Variants in ZDHHC21 observed in about 807,000 individuals in gnomAD.
ZDHHC21 encodes the protein zDHHC palmitoyltransferase 21.
In ZDHHC21, 15 loss-of-function variants were observed where a neutral mutation model predicts 34.6. The ratio of observed to expected loss-of-function variants is 0.43; its 90% CI spans 0.29 to 0.67. The LOEUF is 0.67. Among genes scored for constraint, ZDHHC21 ranks in the 30% least tolerant of loss-of-function variants. The pLI is 0.14. For synonymous variants in ZDHHC21, 142 were observed against 101.8 expected, an observed-to-expected ratio of 1.40 and a Z score of -2.38; for missense variants, 344 against 327.7, an observed-to-expected ratio of 1.05 and a Z score of -0.38.
At chr9:14,595,478 T>C in the ZDHHC21 span, among the ~76,000 whole-genome samples, 1 of 152,166 alleles carries the variant, frequency 6.6e-6, no homozygotes, top group Admixed American at 6.5e-5. Flanking sequence ...AAAAGCATAT[T>C]AGTGGTTGCC....
chr9:14,662,336 AG>A lies in ZDHHC21; in HGVS notation c.254-11del. 1 of 1,593,786 alleles carries A rather than the reference AG, an allele frequency of 6.3e-7. No homozygotes were observed. Among genetic ancestry groups the A allele is most frequent in the African/African-American group, 1.4e-5 (1 of 74,072 alleles). On this transcript the variant is annotated splice_polypyrimidine_tract_variant and intron_variant, in intron 5 of 9. Coordinates refer to ENST00000380916, the MANE Select transcript of ZDHHC21 (RefSeq NM_178566.6). ...TCCCAGAACTCCCTTTCTAAAGAAA[AG>A]AAATTAAAATCCATTTAATGAAGGC...
chr9:14,632,374 G>A (rs749090104), intron 8 of ZDHHC21, among the ~76,000 whole-genome samples: 1 of 151,976 alleles, frequency 6.6e-6, no homozygotes, highest in Non-Finnish European at 1.5e-5. Flanking sequence ...AAGAAATGGT[G>A]CTGGGACAAC....
chr9:14,660,371 T>C (rs1326708091), intron 6 of ZDHHC21, among the ~76,000 whole-genome samples: 13 of 2,998 alleles, frequency 4.3e-3, no homozygotes, highest in Non-Finnish European at 6.9e-4. Flanking sequence ...AGACTCCATC[T>C]CAAAAAAAAA....
In ZDHHC21 at chr9:14,611,282, C is replaced by G. The variant is rs571349441; in HGVS notation, c.*7684G>C. The stretch of plus-strand genomic sequence containing the variant: ...CATGGTTTGATTTTCACATTAAGAA[C>G]CAGTGTAGACTTTTCATCTAAACAA... On this transcript the variant is annotated 3_prime_UTR_variant, in exon 10 of 10. Transcript: ENST00000380916. 4.8e-4 allele frequency: 73 copies of G among 152,038 alleles called. No individual in the cohort carries two copies. Among genetic ancestry groups the G allele is most frequent in the African/African-American group, 1.7e-3 (69 of 41,532 alleles). 9.4% of individuals were successfully genotyped at this position (152,038 alleles called of 1,614,324 possible). A position where few individuals can be genotyped will look rare whatever the true frequency, so the allele number is the denominator to read the frequency against.
intron 1 of ZDHHC21, among the ~76,000 whole-genome samples, chr9:14,691,900 G>C (rs548228912): frequency 1.3e-5 from 2 of 152,286 alleles, no homozygotes; most frequent in South Asian, 2.1e-4. Context: ...TTCCAAGTAA[G>C]CATGGAAAAG....
At chr9:14,665,822 C>T (rs560536037) in intron 5 of ZDHHC21, among the ~76,000 whole-genome samples, 1 of 148,236 alleles carries the variant, frequency 6.7e-6, no homozygotes, top group East Asian at 2.0e-4. Flanking sequence ...ACCACCAGGC[C>T]TGCCCTAAAA....
At chr9:14,686,329 C>T (rs975700136) in intron 2 of ZDHHC21, among the ~76,000 whole-genome samples, 1 of 152,050 alleles carries the variant, frequency 6.6e-6, no homozygotes. Flanking sequence ...AAAGGGCAGA[C>T]TAGGATGGCT....
chr9:14,674,284 C>G lies in ZDHHC21; in HGVS notation c.57G>C (p.Leu19Phe). 1 of 1,597,832 alleles carries G rather than the reference C, an allele frequency of 6.3e-7. No homozygotes were observed. Among genetic ancestry groups the G allele is most frequent in the Non-Finnish European group, 8.5e-7 (1 of 1,173,936 alleles). The change falls in exon 4 of 10, where the codon TTG (leucine) becomes TTC (phenylalanine). Residue 19 changes from leucine (L) to phenylalanine (F), a missense_variant. Transcript: ENST00000380916. ...TATTGTATAACCAAACAAAGACAATCAAACCCATGCAGCACCAACCATGTG... is the reference window on the plus strand; with the variant it reads ...TATTGTATAACCAAACAAAGACAATGAAACCCATGCAGCACCAACCATGTG... ...VDPHGWCCMG[L>F]IVFVWLYNIV...
chr9:14,677,555 T>C (rs1347746004), intron 3 of ZDHHC21: 1 of 152,058 alleles, frequency 6.6e-6, no homozygotes, highest in Non-Finnish European at 1.5e-5. Flanking sequence ...AATACTTTCA[T>C]TAGCTGGAGA....
At chr9:14,655,536 C>T (rs538028240) in intron 7 of ZDHHC21, among the ~76,000 whole-genome samples, 78 of 151,936 alleles carry the variant, frequency 5.1e-4, no homozygotes, top group African/African-American at 1.9e-3. Context: ...CTACCTTCTA[C>T]CCCAAAATAT....
intron 7 of ZDHHC21, among the ~76,000 whole-genome samples, chr9:14,658,376 T>C (rs1832674600): frequency 6.6e-6 from 1 of 151,352 alleles, no homozygotes; most frequent in African/African-American, 2.5e-5. Context: ...TCTTTTGTTG[T>C]TTTGTTTCCA....
At chr9:14,603,556 C>T in the ZDHHC21 span, among the ~76,000 whole-genome samples, 5 of 152,160 alleles carry the variant, frequency 3.3e-5, no homozygotes, top group African/African-American at 1.2e-4. Flanking sequence ...ACAACCGTAA[C>T]ATGAAAGATT....
At chr9:14,619,722 T>C in intron 8 of ZDHHC21, 40 bp from the exon 9 acceptor site, 2 of 1,150,718 alleles carry the variant, frequency 1.7e-6, no homozygotes, top group Non-Finnish European at 2.4e-6. Context: ...GTAAGAAAGT[T>C]ATTAAGTCTT....
intron 7 of ZDHHC21, among the ~76,000 whole-genome samples, chr9:14,653,551 G>A (rs1831633235): frequency 6.6e-6 from 1 of 151,826 alleles, no homozygotes; most frequent in African/African-American, 2.4e-5. Flanking sequence ...CAGCCTCAAG[G>A]GTTTTGTTGT....
chr9:14,658,892 A>C lies in ZDHHC21; in HGVS notation c.366-5T>G, dbSNP rs751482461. ...TCACCAACACAATTGTTAATCCTAA[A>C]GAAAAAAAATGAAAAAGAAACAATA... On this transcript the variant is annotated splice_region_variant and splice_polypyrimidine_tract_variant and intron_variant, in intron 6 of 9. Coordinates refer to ENST00000380916, the MANE Select transcript of ZDHHC21 (RefSeq NM_178566.6). 6.3e-7 allele frequency: 1 copy of C among 1,597,788 alleles called. No individual in the cohort carries two copies. The highest frequency in any genetic ancestry group is 8.5e-7 in the Non-Finnish European group (1 of 1,175,508).
the ZDHHC21 span, among the ~76,000 whole-genome samples, chr9:14,602,613 A>T: frequency 2.6e-5 from 4 of 152,178 alleles, no homozygotes; most frequent in Admixed American, 2.6e-4. Flanking sequence ...AGTCACATAT[A>T]AGGAAATCCC....
At chr9:14,670,192 C>T (rs1835205031) in intron 5 of ZDHHC21, among the ~76,000 whole-genome samples, 1 of 152,032 alleles carries the variant, frequency 6.6e-6, no homozygotes, top group Non-Finnish European at 1.5e-5. Context: ...TTGGTAATTT[C>T]TGAGAAATCA....
At chr9:14,628,717 CAT>C (rs921119527) in intron 8 of ZDHHC21, among the ~76,000 whole-genome samples, 5 of 152,270 alleles carry the variant, frequency 3.3e-5, no homozygotes, top group East Asian at 1.9e-4. Context: ...ATGACAAAAA[CAT>C]GTGCAGATGT....
chr9:14,601,023 G>A, the ZDHHC21 span, among the ~76,000 whole-genome samples: 20 of 152,230 alleles, frequency 1.3e-4, no homozygotes, highest in South Asian at 6.2e-4. Flanking sequence ...AAGACTTACT[G>A]TAAGACCTAA....
Sources: allele counts gnomAD v4.1 joint callset (sites outside exome capture counted in the v4.1 genomes callset), GRCh38; gene constraint gnomAD v4.1.1; transcripts MANE v1.5; gene names NCBI Gene and HGNC (gene_info 2026-07-23, HGNC 2026-07-21).